Variants in STOX2 observed in about 807,000 individuals in gnomAD.
STOX2 encodes storkhead box 2, also known as storkhead-box protein 2.
In STOX2, 28 loss-of-function variants were observed where a neutral mutation model predicts 60.9. That is an observed-to-expected ratio of 0.46 (90% CI 0.34 to 0.63). The LOEUF (loss-of-function observed/expected upper bound fraction) is 0.63, where lower values mean the gene tolerates loss of function less well. Among genes scored for constraint, STOX2 ranks in the 30% least tolerant of loss-of-function variants. The pLI, the probability that STOX2 is intolerant of heterozygous loss-of-function variation, is 0.01. For synonymous variants in STOX2, 472 were observed against 463.9 expected (o/e 1.02, Z -0.22); for missense variants, 1,024 against 1,187.7 (o/e 0.86, Z 2.03).
At position 183,939,506 on chromosome 4, in the gene STOX2, T is replaced by C. The variant is rs114805147; in HGVS notation, c.166+32550T>C. Among the ~76,000 whole-genome samples, 1,371 of 152,302 alleles carry C rather than the reference T, an allele frequency of 9.0e-3. 19 individuals carry two copies. Among genetic ancestry groups the C allele is most frequent in the African/African-American group, 0.032 (1,312 of 41,556 alleles). ...CTTCATCATATCTGCAAAGACCCTT[T>C]CCTAAGTAAAGCCACATTCACAGAT... On this transcript the variant is annotated intron_variant, in intron 1 of 3. Coordinates refer to ENST00000308497, the MANE Select transcript of STOX2 (RefSeq NM_020225.3).
chr4:183,977,748 C>A (rs1732498709), intron 1 of STOX2, among the ~76,000 whole-genome samples: 1 of 152,120 alleles, frequency 6.6e-6, no homozygotes, highest in Admixed American at 6.5e-5. Flanking sequence ...ATATTTAGTT[C>A]TTTGAGAAAT....
chr4:183,886,351 G>C (rs73870943), intron 1 of STOX2, among the ~76,000 whole-genome samples: 3 of 151,864 alleles, frequency 2.0e-5, no homozygotes, highest in Non-Finnish European at 4.4e-5. Flanking sequence ...AACAGAAAGG[G>C]GGGGGAATGA....
chr4:184,006,888 C>T (rs1214291231), intron 2 of STOX2, among the ~76,000 whole-genome samples: 24 of 147,782 alleles, frequency 1.6e-4, no homozygotes, highest in Admixed American at 2.7e-4. Context: ...TAGTGGCGGG[C>T]GCCTGTAGTC....
intron 2 of STOX2, among the ~76,000 whole-genome samples, chr4:184,003,500 T>A (rs1428573925): frequency 6.6e-6 from 1 of 152,258 alleles, no homozygotes; most frequent in African/African-American, 2.4e-5. Context: ...GAGGAGCTTT[T>A]TCTTCTGTGT....
At chr4:183,974,282 A>C (rs1315002562) in intron 1 of STOX2, among the ~76,000 whole-genome samples, 1 of 152,202 alleles carries the variant, frequency 6.6e-6, no homozygotes, top group Non-Finnish European at 1.5e-5. Context: ...AAATATTCAA[A>C]TAATTCAAAT....
intron 1 of STOX2, among the ~76,000 whole-genome samples, chr4:183,820,088 C>T (rs1739271299): frequency 6.6e-6 from 1 of 151,962 alleles, no homozygotes; most frequent in Admixed American, 6.5e-5. Flanking sequence ...TGAAAAAATC[C>T]TGACTTTTTC....
chr4:183,922,580 G>A (rs1204795857), intron 1 of STOX2, among the ~76,000 whole-genome samples: 1 of 152,014 alleles, frequency 6.6e-6, no homozygotes, highest in Non-Finnish European at 1.5e-5. Context: ...TCCTGACCTT[G>A]TGATCCACCC....
At chr4:183,900,138 G>C (rs1455242950) in intron 1 of STOX2, among the ~76,000 whole-genome samples, 1 of 152,088 alleles carries the variant, frequency 6.6e-6, no homozygotes, top group African/African-American at 2.4e-5. Context: ...GAGACCTGCT[G>C]CTCAGAAAAA....
chr4:183,979,228 GGGGGC>G (rs1419348197), intron 1 of STOX2, among the ~76,000 whole-genome samples: 2 of 152,022 alleles, frequency 1.3e-5, no homozygotes, highest in African/African-American at 2.4e-5. Context: ...AAAAAGGTCG[GGGGGC>G]GGGCTAGGTG....
chr4:183,967,698 G>A (rs1047190147), intron 1 of STOX2, among the ~76,000 whole-genome samples: 2 of 152,192 alleles, frequency 1.3e-5, no homozygotes, highest in African/African-American at 4.8e-5. Flanking sequence ...AGGATGTCAT[G>A]AAAATGGTGA....
intron 1 of STOX2, among the ~76,000 whole-genome samples, chr4:183,842,237 G>C (rs1739879585): frequency 6.6e-6 from 1 of 152,112 alleles, no homozygotes; most frequent in Non-Finnish European, 1.5e-5. Flanking sequence ...TTTTTAGATG[G>C]AACCTAGTCT....
Position 184,018,688 on chromosome 4 carries a change from A to G in STOX2, c.*1404A>G, listed in dbSNP as rs1734469156. 2 of 152,236 alleles carry G rather than the reference A, an allele frequency of 1.3e-5. No homozygotes were observed. Among genetic ancestry groups the G allele is most frequent in the Non-Finnish European group, 2.9e-5 (2 of 68,040 alleles). 9.4% of individuals were successfully genotyped at this position (152,236 alleles called of 1,614,324 possible). On this transcript the variant is annotated 3_prime_UTR_variant, in exon 4 of 4. Transcript: ENST00000308497. ...GTTTGTTAACATTTTGCTTTGGTTT[A>G]CAATGTCATGTTGAACACAAAGAAG...
intron 1 of STOX2, among the ~76,000 whole-genome samples, chr4:183,913,863 T>A (rs1407344232): frequency 6.6e-6 from 1 of 152,128 alleles, no homozygotes; most frequent in East Asian, 1.9e-4. Flanking sequence ...CCCTCAAGAT[T>A]TTAAAAATAT....
intron 1 of STOX2, among the ~76,000 whole-genome samples, chr4:183,971,592 C>T (rs1296024257): frequency 1.3e-5 from 2 of 152,212 alleles, no homozygotes; most frequent in African/African-American, 2.4e-5. Flanking sequence ...AACTTTGAGT[C>T]ACCCATATCT....
intron 3 of STOX2, among the ~76,000 whole-genome samples, chr4:184,016,653 G>T (rs1734388746): frequency 6.6e-6 from 1 of 152,130 alleles, no homozygotes; most frequent in African/African-American, 2.4e-5. Context: ...GAATGAAAAT[G>T]GAATCATTAG....
intron 1 of STOX2, among the ~76,000 whole-genome samples, chr4:183,970,138 A>ATGTGTG (rs1560911311): frequency 2.8e-4 from 11 of 39,794 alleles, no homozygotes; most frequent in South Asian, 1.4e-3. Context: ...AACTACATGT[A>ATGTGTG]CGTGTGTGTG....
intron 1 of STOX2, among the ~76,000 whole-genome samples, chr4:183,820,979 C>T (rs190661744): frequency 9.5e-4 from 144 of 151,832 alleles, no homozygotes; most frequent in African/African-American, 3.3e-3. Flanking sequence ...TGGTGGTGAA[C>T]ACCTGTAGTC....
intron 1 of STOX2, among the ~76,000 whole-genome samples, chr4:183,864,573 T>C (rs1402154662): frequency 6.6e-6 from 1 of 152,090 alleles, no homozygotes; most frequent in African/African-American, 2.4e-5. Flanking sequence ...TTTGTATTTT[T>C]AGTAGAGATG....
chr4:183,951,444 CTTTTTTTTTTT>C (rs1163579369), intron 1 of STOX2, among the ~76,000 whole-genome samples: 2 of 66,496 alleles, frequency 3.0e-5, no homozygotes, highest in East Asian at 4.8e-4. Context: ...CTCTCTCTCT[CTTTTTTTTTTT>C]TTTTTTTTTT....
Sources: allele counts gnomAD v4.1 joint callset (sites outside exome capture counted in the v4.1 genomes callset), GRCh38; gene constraint gnomAD v4.1.1; transcripts MANE v1.5; gene names NCBI Gene and HGNC (gene_info 2026-07-23, HGNC 2026-07-21).